The following BCAR3 variants were observed in gnomAD, a reference collection of about 807,000 sequenced individuals.
BCAR3 encodes the protein breast cancer anti-estrogen resistance protein 3.
BCAR3 carries 37 observed loss-of-function variants against 80.1 expected under a neutral mutation model. The ratio of observed to expected loss-of-function variants is 0.46; its 90% CI spans 0.36 to 0.61. The LOEUF is 0.61. Ranked by LOEUF, BCAR3 falls within the 20% of genes least tolerant of loss-of-function variation. BCAR3 has a pLI of 0.00. For missense variants in BCAR3, 978 were observed against 1,068.2 expected, an observed-to-expected ratio of 0.92 and a Z score of 1.18; for synonymous variants, 389 against 418.9, an observed-to-expected ratio of 0.93 and a Z score of 0.87.
At chr1:93,839,181 T>C (rs960424285) in intron 2 of BCAR3, among the ~76,000 whole-genome samples, 1 of 152,194 alleles carries the variant, frequency 6.6e-6, no homozygotes, top group Non-Finnish European at 1.5e-5. Context: ...TAATCCCAGC[T>C]GCTCAGGAGG....
At position 93,592,394 on chromosome 1, in the gene BCAR3, C is replaced by T. The variant is rs1340153607; in HGVS notation, c.358-1G>A. The T allele has an allele frequency of 3.1e-6, 5 of 1,594,678 alleles. No individual in the cohort carries two copies. Among genetic ancestry groups the T allele is most frequent in the African/African-American group, 1.3e-5 (1 of 74,454 alleles). On this transcript the variant is annotated splice_acceptor_variant, in intron 3 of 11. Transcript: ENST00000260502. LOFTEE classifies it high-confidence loss of function. This position sits in a 1 kb window ranked among gnomAD's most constrained non-coding sequence, Gnocchi z 4.8. ...CCATGATGTGCCTCTCCTTGGAGAA[C>T]TGCAACACAGAGTCAACCATGAGCT...
At chr1:93,757,132 T>G (rs1386146425) in intron 2 of BCAR3, among the ~76,000 whole-genome samples, 3 of 152,174 alleles carry the variant, frequency 2.0e-5, no homozygotes, top group Non-Finnish European at 4.4e-5. Context: ...TGTTTTAGCC[T>G]CTGGAATCCA....
intron 3 of BCAR3, among the ~76,000 whole-genome samples, chr1:93,606,299 A>C (rs1674770502): frequency 6.6e-6 from 1 of 152,248 alleles, no homozygotes; most frequent in African/African-American, 2.4e-5. Context: ...ACTCAACCCA[A>C]TACAACTCAG....
chr1:93,782,583 T>C (rs911902965), intron 2 of BCAR3, among the ~76,000 whole-genome samples: 15 of 151,906 alleles, frequency 9.9e-5, no homozygotes, highest in Non-Finnish European at 2.1e-4. Flanking sequence ...ATGGAGTACA[T>C]TAGGAAATAC....
At chr1:93,693,882 A>G (rs1338188160) in intron 3 of BCAR3, among the ~76,000 whole-genome samples, 1 of 152,186 alleles carries the variant, frequency 6.6e-6, no homozygotes, top group African/African-American at 2.4e-5. Flanking sequence ...TGGAGCTGAT[A>G]GTGGTCTCCA....
intron 2 of BCAR3, among the ~76,000 whole-genome samples, chr1:93,759,673 G>C (rs1651867863): frequency 6.6e-6 from 1 of 152,142 alleles, no homozygotes. Flanking sequence ...ATGATTCAGG[G>C]GAGAGAAGGA....
chr1:93,592,441 G>A lies in BCAR3; in HGVS notation c.358-48C>T. 6.5e-7 allele frequency: 1 copy of A among 1,532,996 alleles called. No individual in the cohort carries two copies. Among genetic ancestry groups the A allele is most frequent in the Non-Finnish European group, 8.7e-7 (1 of 1,148,426 alleles). The allele number at this position is 1,532,996 out of a possible 1,614,324, so 95.0% of individuals were successfully genotyped here. A position where few individuals can be genotyped will look rare whatever the true frequency, so the allele number is the denominator to read the frequency against. On this transcript the variant is annotated intron_variant, in intron 3 of 11. Transcript: ENST00000260502. The surrounding 1 kb of genome is among the most constrained non-coding windows in gnomAD (Gnocchi z 4.8). ...AGCTCACCCTGCCCAGGCCACACCA[G>A]GCCATGCCAGCTGGAGGTGACCGCC...
intron 3 of BCAR3, among the ~76,000 whole-genome samples, chr1:93,702,332 AT>A: frequency 6.6e-6 from 1 of 152,262 alleles, no homozygotes; most frequent in Non-Finnish European, 1.5e-5. Context: ...TTGACAAGAA[AT>A]CCAAGCACAT....
intron 3 of BCAR3, among the ~76,000 whole-genome samples, chr1:93,608,885 T>C (rs189007392): frequency 5.9e-5 from 9 of 152,374 alleles, no homozygotes; most frequent in Admixed American, 5.2e-4. Flanking sequence ...AGACATTTCC[T>C]GCAAGGCTTC....
chr1:93,793,633 G>A (rs1653186901), intron 2 of BCAR3, among the ~76,000 whole-genome samples: 1 of 12,106 alleles, frequency 8.3e-5, no homozygotes, highest in Non-Finnish European at 1.2e-4. Context: ...TTTTTGAAGG[G>A]TTTTTTGTGT....
At chr1:93,757,526 T>TAA (rs1006544052) in intron 2 of BCAR3, among the ~76,000 whole-genome samples, 1 of 152,220 alleles carries the variant, frequency 6.6e-6, no homozygotes, top group Non-Finnish European at 1.5e-5. Flanking sequence ...AACTGTTGTA[T>TAA]AAATAGTTGA....
chr1:93,631,621 A>C (rs1215069615), intron 3 of BCAR3, among the ~76,000 whole-genome samples: 1 of 152,220 alleles, frequency 6.6e-6, no homozygotes, highest in African/African-American at 2.4e-5. Flanking sequence ...CACAGTTTCA[A>C]TTCTTGCCTG....
chr1:93,754,187 T>C (rs1339337684), intron 2 of BCAR3: 4 of 152,222 alleles, frequency 2.6e-5, no homozygotes, highest in Admixed American at 6.5e-5. Context: ...GTTCTGAGGC[T>C]GGATGAAATT....
At chr1:93,773,891 C>T (rs1010430653) in intron 2 of BCAR3, among the ~76,000 whole-genome samples, 8 of 152,138 alleles carry the variant, frequency 5.3e-5, no homozygotes, top group Non-Finnish European at 1.0e-4. Flanking sequence ...AGGACTTTTA[C>T]TCAACTCCTT....
chr1:93,830,028 T>C (rs1327100071), intron 2 of BCAR3, among the ~76,000 whole-genome samples: 2 of 152,214 alleles, frequency 1.3e-5, no homozygotes, highest in African/African-American at 2.4e-5. Flanking sequence ...ACTCTGGCCA[T>C]GTGAAGTGCT....
chr1:93,708,689 C>G lies in BCAR3; in HGVS notation c.-62-2547G>C, dbSNP rs918950556. 1.6e-3 allele frequency among the ~76,000 whole-genome samples: 246 copies of G among 152,286 alleles called. 4 individuals carry two copies. The highest frequency in any genetic ancestry group is 2.6e-4 in the Non-Finnish European group (18 of 68,030). On this transcript the variant is annotated intron_variant, in intron 2 of 13. Transcript: ENST00000370244. ...TTTTCAAATGTCACCACCATAGAGTCCCCTATATAACTTACCCTATTCACC... is the reference window on the plus strand; with the variant it reads ...TTTTCAAATGTCACCACCATAGAGTGCCCTATATAACTTACCCTATTCACC...
chr1:93,807,303 G>GA (rs1653687706), intron 2 of BCAR3, among the ~76,000 whole-genome samples: 1 of 152,044 alleles, frequency 6.6e-6, no homozygotes, highest in Admixed American at 6.5e-5. Flanking sequence ...CACTGAGGGG[G>GA]AAAAAATTAT....
chr1:93,634,907 A>T (rs1675732088), intron 3 of BCAR3, among the ~76,000 whole-genome samples: 1 of 152,156 alleles, frequency 6.6e-6, no homozygotes, highest in Non-Finnish European at 1.5e-5. Context: ...ACGAAAACAG[A>T]CTAACACAAT....
intron 2 of BCAR3, among the ~76,000 whole-genome samples, chr1:93,654,505 T>C (rs1052825277): frequency 1.5e-4 from 23 of 152,186 alleles, no homozygotes; most frequent in Admixed American, 4.6e-4. Context: ...ACATCCTAAG[T>C]GGGACACCCT....
Sources: allele counts gnomAD v4.1 joint callset (sites outside exome capture counted in the v4.1 genomes callset), GRCh38; gene constraint gnomAD v4.1.1; non-coding constraint Gnocchi (gnomAD v3.1); transcripts MANE v1.5; gene names NCBI Gene and HGNC (gene_info 2026-07-23, HGNC 2026-07-21).